Variants in PAQR9 observed in about 807,000 individuals in gnomAD.
PAQR9 encodes membrane progestin receptor epsilon.
In PAQR9, 12 loss-of-function variants were observed where a neutral mutation model predicts 24.0. The observed-to-expected ratio is 0.50, with a 90% confidence interval of 0.32 to 0.81. PAQR9 has a LOEUF of 0.81. PAQR9 is among the 30% of genes least tolerant of loss of function. The pLI is 0.03. For synonymous variants in PAQR9, 266 were observed against 237.6 expected (o/e 1.12, Z -1.10); for missense variants, 418 against 520.8 (o/e 0.80, Z 1.92).
rs1227424448 is a variant in PAQR9 at position 142,958,176 on chromosome 3, A to G, written c.*4027T>C. Among the ~76,000 whole-genome samples the G allele has an allele frequency of 6.6e-6, 1 of 152,266 alleles. No homozygotes were observed. Among genetic ancestry groups the G allele is most frequent in the Non-Finnish European group, 1.5e-5 (1 of 68,042 alleles). ...GGTAAACTTCAACAGTTGAAGAACAAGATGGTAACAACCATTTTAAGTGGC... is the reference window on the plus strand; with the variant it reads ...GGTAAACTTCAACAGTTGAAGAACAGGATGGTAACAACCATTTTAAGTGGC... On this transcript the variant is annotated 3_prime_UTR_variant, in exon 1 of 1. Transcript: ENST00000340634.
rs1250195084 is a variant in PAQR9, at chr3:142,957,328, GCA to G, written c.*4873_*4874del. Among the ~76,000 whole-genome samples the G allele has an allele frequency of 6.6e-6, 1 of 152,188 alleles. No homozygotes were observed. Among genetic ancestry groups the G allele is most frequent in the African/African-American group, 2.4e-5 (1 of 41,438 alleles). ...ACAAAATTTAAAACTCAGGCTGACTGCACAGTTGAACTTGCTGCCCCATTCTG... is the reference window on the plus strand; with the variant it reads ...ACAAAATTTAAAACTCAGGCTGACTGCAGTTGAACTTGCTGCCCCATTCTG... On this transcript the variant is annotated 3_prime_UTR_variant, in exon 1 of 1. Coordinates refer to ENST00000340634, the MANE Select transcript of PAQR9 (RefSeq NM_198504.4).
upstream of PAQR9, chr3:142,963,991 G>C (rs1321663840): frequency 1.6e-6 from 1 of 629,088 alleles, no homozygotes; most frequent in Non-Finnish European, 2.0e-6. Context: ...CAGCCACGCG[G>C]GCGTTCTGGA....
Position 142,962,537 on chromosome 3 carries a change from C to T in PAQR9, c.800G>A (p.Arg267His), listed in dbSNP as rs772961205. 3 of 1,613,578 alleles carry T rather than the reference C, an allele frequency of 1.9e-6. No individual in the cohort carries two copies. Among genetic ancestry groups the T allele is most frequent in the East Asian group, 2.2e-5 (1 of 44,892 alleles). The change falls in exon 1 of 1, where the codon CGT (arginine) becomes CAT (histidine). Residue 267 changes from arginine to histidine, a missense_variant. Around this residue, in one of 3 missense-constraint regions of PAQR9, gnomAD observed 230 missense variants for 305.2 expected, o/e 0.75. Transcript: ENST00000340634. Reference protein sequence around the residue: ...IMLESWLFDLRGENPTLFVHF... With the variant: ...IMLESWLFDLHGENPTLFVHF... The stretch of plus-strand genomic sequence containing the variant: ...CACGAAGAGTGTGGGGTTCTCCCCA[C>T]GCAGGTCGAAGAGCCAGCTCTCGAG...
chr3:142,952,921 G>A, downstream of PAQR9: 2 of 454,364 alleles, frequency 4.4e-6, no homozygotes, highest in Non-Finnish European at 8.9e-6. Flanking sequence ...GGAAGTATGG[G>A]AACGTGAATC....
At position 142,963,136 on chromosome 3, in the gene PAQR9, C is replaced by T. The variant is rs551367858; in HGVS notation, c.201G>A (p.Pro67=). Residue 67 remains proline, a synonymous_variant, in exon 1 of 1, where the codon CCG becomes CCA. Transcript: ENST00000340634. ...CFILSGYRRL[P]CTAQECLASV... Reference sequence around the variant, plus strand: ...AGGCTAGGCACTCCTGGGCCGTGCACGGCAGACGCCGGTAGCCCGACAGGA... The same window carrying T: ...AGGCTAGGCACTCCTGGGCCGTGCATGGCAGACGCCGGTAGCCCGACAGGA... 9.9e-6 allele frequency: 16 copies of T among 1,610,562 alleles called. No homozygotes were observed. The East Asian group carries it at 3.6e-4, about 36-fold the overall frequency.
rs999757255 is a variant in PAQR9, at chr3:142,955,497, C to T, written c.*6706G>A. Among the ~76,000 whole-genome samples the T allele has an allele frequency of 2.3e-4, 33 of 144,830 alleles. No individual in the cohort carries two copies. Among genetic ancestry groups the T allele is most frequent in the Non-Finnish European group, 4.5e-5 (3 of 66,404 alleles). ...AAAAAAGCAGCCACAGAATCCTCCC[C>T]CAGCCCTGAAACACAGAAAGCCTTT... On this transcript the variant is annotated 3_prime_UTR_variant, in exon 1 of 1. Coordinates refer to ENST00000340634, the MANE Select transcript of PAQR9 (RefSeq NM_198504.4).
In PAQR9 at chr3:142,956,251, C is replaced by T. The variant is rs1363856892; in HGVS notation, c.*5952G>A. The stretch of plus-strand genomic sequence containing the variant: ...TTTACACAGTGTCCTTCTTCAATAT[C>T]ATGGTGTACTGGGAGAAGCAGGGCC... On this transcript the variant is annotated 3_prime_UTR_variant, in exon 1 of 1. Coordinates refer to ENST00000340634, the MANE Select transcript of PAQR9 (RefSeq NM_198504.4). Among the ~76,000 whole-genome samples the T allele has an allele frequency of 1.3e-5, 2 of 152,180 alleles. No homozygotes were observed. The highest frequency in any genetic ancestry group is 4.8e-5 in the African/African-American group (2 of 41,430).
At chr3:142,950,941 C>G (rs1934702601), downstream of PAQR9, among the ~76,000 whole-genome samples, 1 of 152,148 alleles carries the variant, frequency 6.6e-6, no homozygotes, top group African/African-American at 2.4e-5. Context: ...AGGATTCTCA[C>G]CCAGTGTTAG....
chr3:142,962,046 G>T lies in PAQR9; in HGVS notation c.*157C>A. 1 of 876,906 alleles carries T rather than the reference G, an allele frequency of 1.1e-6. No individual in the cohort carries two copies. Among genetic ancestry groups the T allele is most frequent in the Non-Finnish European group, 1.8e-6 (1 of 570,088 alleles). The allele number at this position is 876,906 out of a possible 1,614,324, so 54.3% of individuals were successfully genotyped here. A position where few individuals can be genotyped will look rare whatever the true frequency, so the allele number is the denominator to read the frequency against. On this transcript the variant is annotated 3_prime_UTR_variant, in exon 1 of 1. Coordinates refer to ENST00000340634, the MANE Select transcript of PAQR9 (RefSeq NM_198504.4). ...CTACTTCAAAGCCTCCAGTGGGTTG[G>T]GATCCCTTTGTAGCAGTGAACTTTT...
Position 142,963,340 on chromosome 3 carries a change from G to C in PAQR9, c.-4C>G, listed in dbSNP as rs111684660. ...GGGGCTGCAGGCGCCGCGGCATGGT[G>C]CCCGGGGCTCGGCTAGGGCGCGCGC... On this transcript the variant is annotated 5_prime_UTR_variant, in exon 1 of 1. Transcript: ENST00000340634. 2 of 1,336,948 alleles carry C rather than the reference G, an allele frequency of 1.5e-6. No homozygotes were observed. The highest frequency in any genetic ancestry group is 1.9e-6 in the Non-Finnish European group (2 of 1,050,330). The allele number at this position is 1,336,948 out of a possible 1,614,324, so 82.8% of individuals were successfully genotyped here.
At chr3:142,952,862 C>T (rs1222803455), downstream of PAQR9, 1 of 456,614 alleles carries the variant, frequency 2.2e-6, no homozygotes, top group Non-Finnish European at 4.4e-6. Flanking sequence ...TAACAAAAAG[C>T]CAGAGGGCAA....
rs1042252606 is a variant in PAQR9, at chr3:142,960,901, T to C, written c.*1302A>G. On this transcript the variant is annotated 3_prime_UTR_variant, in exon 1 of 1. Transcript: ENST00000340634. ...AAAATTTTCAGTGACAACTCAATAA[T>C]GTGCTCCTGCCTTTCATAATAAAAC... 1 of 152,256 alleles carries C rather than the reference T, an allele frequency of 6.6e-6. No homozygotes were observed. The highest frequency in any genetic ancestry group is 2.4e-5 in the African/African-American group (1 of 41,466). 9.4% of individuals were successfully genotyped at this position (152,256 alleles called of 1,614,324 possible).
chr3:142,951,214 C>T (rs6769643), downstream of PAQR9, among the ~76,000 whole-genome samples: 86,953 of 152,050 alleles, frequency 0.57, 26,173 homozygotes, highest in African/African-American at 0.77. Context: ...CTGAACCAAG[C>T]CTGGATTTAT....
At chr3:142,951,603 TACAAACTC>T (rs1433468002), downstream of PAQR9, 4 of 425,324 alleles carry the variant, frequency 9.4e-6, no homozygotes, top group Non-Finnish European at 1.9e-5. Flanking sequence ...TTGGTTGGCT[TACAAACTC>T]ACTAGAAGAA....
chr3:142,958,896 C>T lies in PAQR9; in HGVS notation c.*3307G>A, dbSNP rs1200125135. 7.9e-5 allele frequency among the ~76,000 whole-genome samples: 12 copies of T among 152,124 alleles called. No homozygotes were observed. Among genetic ancestry groups the T allele is most frequent in the Admixed American group, 3.9e-4 (6 of 15,264 alleles). On this transcript the variant is annotated 3_prime_UTR_variant, in exon 1 of 1. Transcript: ENST00000340634. ...ATCCTCTTCACCTGAGCTGCAAGAA[C>T]GGCAGGGAAGAAAGGAACCCCATTA...
At chr3:142,951,739 C>G, downstream of PAQR9, 2 of 456,622 alleles carry the variant, frequency 4.4e-6, no homozygotes, top group Admixed American at 2.3e-5. Flanking sequence ...TTCAGCTATA[C>G]CGGTATAGAT....
downstream of PAQR9, among the ~76,000 whole-genome samples, chr3:142,951,009 C>A (rs994027550): frequency 6.6e-6 from 1 of 152,184 alleles, no homozygotes; most frequent in Admixed American, 6.5e-5. Context: ...TATATATGAA[C>A]ATTATATAGA....
chr3:142,953,574 G>A (rs1174188966), downstream of PAQR9, among the ~76,000 whole-genome samples: 1 of 152,148 alleles, frequency 6.6e-6, no homozygotes, highest in East Asian at 1.9e-4. Flanking sequence ...ACTTTACACA[G>A]TGCACATGGC....
chr3:142,952,052 G>T (rs973870544), downstream of PAQR9, among the ~76,000 whole-genome samples: 1 of 149,562 alleles, frequency 6.7e-6, no homozygotes, highest in Non-Finnish European at 1.5e-5. Flanking sequence ...AAAGAAGGGG[G>T]GGGGGTGTTG....
Sources: gnomAD v4.1 joint callset for allele counts (sites outside exome capture counted in the v4.1 genomes callset) on GRCh38, gnomAD v4.1.1 for gene constraint, gnomAD v4.1.1 regional missense constraint, MANE v1.5 for transcripts, NCBI Gene and HGNC (gene_info 2026-07-23, HGNC 2026-07-21) for gene names.